ZNF154: variants seen among roughly 807,000 people sequenced by gnomAD.
ZNF154 encodes the protein zinc finger protein 154 (pHZ-92).
A neutral mutation model predicts 7.5 loss-of-function variants in ZNF154; 6 were observed. The ratio of observed to expected loss-of-function variants is 0.80; its 90% CI spans 0.44 to 1.57. The LOEUF is 1.57. Among genes scored for constraint, ZNF154 ranks in the 40% most tolerant of loss-of-function variants. The pLI is 0.01. For missense variants in ZNF154, 485 were observed against 531.4 expected (o/e 0.91, Z 0.86); for synonymous variants, 187 against 185.9 (o/e 1.01, Z -0.05).
chr19:57,705,122 A>C, intron 1 of ZNF154, 143 bp from the exon 2 acceptor site: 3 of 1,195,292 alleles, frequency 2.5e-6, no homozygotes, highest in Non-Finnish European at 3.5e-6. Flanking sequence ...ATAAATAGGC[A>C]TCTAAGCTGG....
In ZNF154 at chr19:57,699,622, A is replaced by G. The variant is rs1985040420; in HGVS notation, c.*2013T>C. The stretch of plus-strand genomic sequence containing the variant: ...CTTACAACTACATGAGAAGTTGCCT[A>G]AGAACTCAATGTCAACCATTCCACG... On this transcript the variant is annotated 3_prime_UTR_variant, in exon 3 of 3. Transcript: ENST00000684351. The G allele has an allele frequency of 1.1e-5, 2 of 178,556 alleles. No individual in the cohort carries two copies. The highest frequency in any genetic ancestry group is 2.3e-4 in the South Asian group (2 of 8,810). The allele number at this position is 178,556 out of a possible 1,614,324, so 11.1% of individuals were successfully genotyped here.
At chr19:57,707,507 C>T (rs1027515814) in intron 1 of ZNF154, among the ~76,000 whole-genome samples, 6 of 152,198 alleles carry the variant, frequency 3.9e-5, no homozygotes, top group Admixed American at 3.9e-4. Context: ...TTACCCTGGA[C>T]TGGCTGTAGC....
rs777793401 is a variant in ZNF154 at position 57,702,786 on chromosome 19, C to T, written c.163G>A (p.Val55Ile). 4 of 1,596,144 alleles carry T rather than the reference C, an allele frequency of 2.5e-6. No homozygotes were observed. The African/African-American group carries it at 5.4e-5, about 21-fold the overall frequency. ...ENLALLTSLD[V>I]HHQKQHLGEK... is the part of the protein sequence containing the mutation. Reference sequence around the variant, plus strand: ...CCAAGGTGCTGCTTCTGATGATGAACATCTGCAATGAAATACAATTATTTC... The same window carrying T: ...CCAAGGTGCTGCTTCTGATGATGAATATCTGCAATGAAATACAATTATTTC... The change falls in exon 3 of 3, where the codon GTT (valine) becomes ATT (isoleucine). Residue 55 changes from valine (V) to isoleucine (I), a missense_variant and splice_region_variant. Val to Ile is a conservative substitution (Grantham distance 29, BLOSUM62 3). Transcript: ENST00000684351.
rs758317369 is a variant in ZNF154 at position 57,702,586 on chromosome 19, G to A, written c.363C>T (p.Asp121=). ...TTCCTCTGTGACTGATGGCCCCACCGTCGCTTTTGCTATTTGATTGCTCCC... is the reference window on the plus strand; with the variant it reads ...TTCCTCTGTGACTGATGGCCCCACCATCGCTTTTGCTATTTGATTGCTCCC... ...HTGEQSNSKS[D]GGAISHRGKT... Residue 121 remains aspartate, a synonymous_variant, in exon 3 of 3, where the codon GAC becomes GAT. Coordinates refer to ENST00000684351, the MANE Select transcript of ZNF154 (RefSeq NM_001085384.3). 1.7e-5 allele frequency: 28 copies of A among 1,613,714 alleles called. No individual in the cohort carries two copies. The highest frequency in any genetic ancestry group is 8.8e-5 in the South Asian group (8 of 91,074).
rs1435219943 is a variant in ZNF154 at position 57,698,414 on chromosome 19, G to A, written c.*3221C>T. ...TTTCTACATTCTTGAGGTTATTCGT[G>A]GCCACTGTATCAGTATGGTAGAAAC... On this transcript the variant is annotated 3_prime_UTR_variant, in exon 3 of 3. Transcript: ENST00000684351. 1 of 152,078 alleles carries A rather than the reference G, an allele frequency of 6.6e-6. No homozygotes were observed. The highest frequency in any genetic ancestry group is 1.5e-5 in the Non-Finnish European group (1 of 68,024). The allele number at this position is 152,078 out of a possible 1,614,324, so 9.4% of individuals were successfully genotyped here.
At position 57,701,975 on chromosome 19, in the gene ZNF154, C is replaced by G. The variant is rs1985169304; in HGVS notation, c.974G>C (p.Gly325Ala). The change falls in exon 3 of 3, where the codon GGA (glycine) becomes GCA (alanine). Residue 325 changes from glycine (G) to alanine (A), a missense_variant. Physicochemically the swap from Gly to Ala is moderately conservative, Grantham distance 60. Transcript: ENST00000684351. ...SLIEHHRVHT[G>A]ERPYKCSECG... ...TTCGCTGCACTTATAAGGCCTTTCT[C>G]CAGTGTGAACCCTATGGTGTTCAAT... 12 of 1,612,924 alleles carry G rather than the reference C, an allele frequency of 7.4e-6. No homozygotes were observed. The highest frequency in any genetic ancestry group is 1.0e-5 in the Non-Finnish European group (12 of 1,179,860).
chr19:57,702,029 C>G lies in ZNF154; in HGVS notation c.920G>C (p.Gly307Ala). Residue 307 changes from glycine (G) to alanine (A), a missense_variant, in exon 3 of 3, where the codon GGG becomes GCG. By Grantham distance (60) the Gly-to-Ala change is moderately conservative (BLOSUM62 0). Coordinates refer to ENST00000684351, the MANE Select transcript of ZNF154 (RefSeq NM_001085384.3). ...GSRPYECSEC[G>A]KSFSQNSSLI... ...GCTAGAGTTTTGGCTAAATGACTTC[C>G]CACATTCGCTGCACTCATAAGGCCT... The G allele has an allele frequency of 6.2e-7, 1 of 1,613,978 alleles. No homozygotes were observed. Among genetic ancestry groups the G allele is most frequent in the South Asian group, 1.1e-5 (1 of 91,080 alleles).
chr19:57,702,866 G>C, intron 2 of ZNF154, 78 bp from the exon 3 acceptor site: 1 of 1,392,800 alleles, frequency 7.2e-7, no homozygotes, highest in South Asian at 1.4e-5. Context: ...CTAGGGCCCA[G>C]CCAAGAGCAA....
chr19:57,701,467 G>C lies in ZNF154; in HGVS notation c.*168C>G. ...CTCATAAGGGATCTCCTTCAGAGCT[G>C]TTATATCAACTGGACATCCCTACAT... On this transcript the variant is annotated 3_prime_UTR_variant, in exon 3 of 3. Coordinates refer to ENST00000684351, the MANE Select transcript of ZNF154 (RefSeq NM_001085384.3). 1 of 712,114 alleles carries C rather than the reference G, an allele frequency of 1.4e-6. No individual in the cohort carries two copies. The highest frequency in any genetic ancestry group is 2.0e-5 in the South Asian group (1 of 50,644). 44.1% of individuals were successfully genotyped at this position (712,114 alleles called of 1,614,324 possible).
At position 57,704,890 on chromosome 19, in the gene ZNF154, A is replaced by G. The variant is rs773976914; in HGVS notation, c.123T>C (p.Asp41=). 6 of 1,613,592 alleles carry G rather than the reference A, an allele frequency of 3.7e-6. No homozygotes were observed. The Admixed American group carries it at 8.4e-5, about 22-fold the overall frequency. Residue 41 remains aspartate, a synonymous_variant, in exon 2 of 3, where the codon GAT becomes GAC. Coordinates refer to ENST00000684351, the MANE Select transcript of ZNF154 (RefSeq NM_001085384.3). ...LDEAQRCLYR[D]VMLENLALLT... The stretch of plus-strand genomic sequence containing the variant: ...AAAGAGCCAAGTTCTCCAGCATCAC[A>G]TCACGGTACAGGCATCTTTGAGCCT...
Position 57,702,562 on chromosome 19 carries a change from T to G in ZNF154, c.387A>C (p.Gly129=). The change falls in exon 3 of 3, where the codon GGA becomes GGC. Residue 129 remains glycine (G), a synonymous_variant. Coordinates refer to ENST00000684351, the MANE Select transcript of ZNF154 (RefSeq NM_001085384.3). The part of the protein sequence containing the change: ...KSDGGAISHR[G]KTHYNCGEHT... ...GTTCTCCACAGTTGTAATGAGTTTT[T>G]CCTCTGTGACTGATGGCCCCACCGT... 1 of 1,614,060 alleles carries G rather than the reference T, an allele frequency of 6.2e-7. No homozygotes were observed. The highest frequency in any genetic ancestry group is 8.5e-7 in the Non-Finnish European group (1 of 1,179,992).
Position 57,701,721 on chromosome 19 carries a change from C to G in ZNF154, c.1228G>C (p.Glu410Gln), listed in dbSNP as rs778222610. Residue 410 changes from glutamate (E) to glutamine (Q), a missense_variant, in exon 3 of 3, where the codon GAG becomes CAG. Glu to Gln is a conservative substitution (Grantham distance 29, BLOSUM62 2). Transcript: ENST00000684351. ...CATTCCGTGCACTCATAAGGCTTCTCCCCAGTGTGAACCCTCCTGTGCTTA... is the reference window on the plus strand; with the variant it reads ...CATTCCGTGCACTCATAAGGCTTCTGCCCAGTGTGAACCCTCCTGTGCTTA... ...LIKHRRVHTG[E>Q]KPYECTECGK... The G allele has an allele frequency of 1.2e-6, 2 of 1,614,064 alleles. No homozygotes were observed.
Position 57,699,468 on chromosome 19 carries a change from CT to C in ZNF154, c.*2166del, listed in dbSNP as rs1426372797. The C allele has an allele frequency of 1.1e-5, 4 of 365,620 alleles. No individual in the cohort carries two copies. Among genetic ancestry groups the C allele is most frequent in the African/African-American group, 8.3e-5 (4 of 48,200 alleles). The allele number at this position is 365,620 out of a possible 1,614,324, so 22.6% of individuals were successfully genotyped here. A position where few individuals can be genotyped will look rare whatever the true frequency, so the allele number is the denominator to read the frequency against. On this transcript the variant is annotated 3_prime_UTR_variant, in exon 3 of 3. Transcript: ENST00000684351. ...ATAAACACATTTGGCCCAGGAACTG[CT>C]AACGAATGTACAGTGCAGTGGTGGT...
chr19:57,701,967 G>T lies in ZNF154; in HGVS notation c.982C>A (p.Pro328Thr), dbSNP rs1985168222. 1.2e-6 allele frequency: 2 copies of T among 1,612,948 alleles called. No individual in the cohort carries two copies. Among genetic ancestry groups the T allele is most frequent in the Non-Finnish European group, 1.7e-6 (2 of 1,179,848 alleles). Residue 328 changes from proline to threonine, a missense_variant, in exon 3 of 3, where the codon CCT (proline) becomes ACT (threonine). Physicochemically the swap from Pro to Thr is conservative, Grantham distance 38. Coordinates refer to ENST00000684351, the MANE Select transcript of ZNF154 (RefSeq NM_001085384.3). Reference protein sequence around the residue: ...EHHRVHTGERPYKCSECGKSF... With the variant: ...EHHRVHTGERTYKCSECGKSF... ...TTCCCACATTCGCTGCACTTATAAG[G>T]CCTTTCTCCAGTGTGAACCCTATGG...
Position 57,708,951 on chromosome 19 carries a change from C to A in ZNF154, c.21G>T (p.Arg7Ser), listed in dbSNP as rs1985514842. MAAATLRTPTQGTVTFE... is the reference protein window; with the variant it reads MAAATLSTPTQGTVTFE... Reference sequence around the variant, plus strand: ...ACGCCGCACTCACCTGAGTTGGCGTCCTCAGAGTGGCCGCTGCCATCAGAC... The same window carrying A: ...ACGCCGCACTCACCTGAGTTGGCGTACTCAGAGTGGCCGCTGCCATCAGAC... Residue 7 changes from arginine to serine, a missense_variant, in exon 1 of 3, where the codon AGG becomes AGT. Transcript: ENST00000684351. The A allele has an allele frequency of 1.3e-6, 2 of 1,561,132 alleles. No homozygotes were observed. Among genetic ancestry groups the A allele is most frequent in the Admixed American group, 1.9e-5 (1 of 52,420 alleles).
Position 57,701,389 on chromosome 19 carries a change from G to A in ZNF154, c.*246C>T. The A allele has an allele frequency of 2.0e-6, 1 of 509,104 alleles. No homozygotes were observed. The highest frequency in any genetic ancestry group is 3.5e-6 in the Non-Finnish European group (1 of 284,244). The allele number at this position is 509,104 out of a possible 1,614,324, so 31.5% of individuals were successfully genotyped here. On this transcript the variant is annotated 3_prime_UTR_variant, in exon 3 of 3. Transcript: ENST00000684351. ...GGTGCAATGCAGTTCACACATACCTGGAATTTATGCAGATGTTCAGATATA... is the reference window on the plus strand; with the variant it reads ...GGTGCAATGCAGTTCACACATACCTAGAATTTATGCAGATGTTCAGATATA...
chr19:57,704,265 C>A (rs1455432513), intron 2 of ZNF154, among the ~76,000 whole-genome samples: 6 of 152,134 alleles, frequency 3.9e-5, no homozygotes, highest in Non-Finnish European at 8.8e-5. Context: ...CCAAACAGAA[C>A]AGGTTGCTGC....
Position 57,701,935 on chromosome 19 carries a change from A to G in ZNF154, c.1014T>C (p.Phe338=), listed in dbSNP as rs1435966918. Reference sequence around the variant, plus strand: ...GTTGAAGGAGTGCAGACCTTTGGCTAAAGGATTTCCCACATTCGCTGCACT... The same window carrying G: ...GTTGAAGGAGTGCAGACCTTTGGCTGAAGGATTTCCCACATTCGCTGCACT... ...PYKCSECGKS[F]SQRSALLQHR... The change falls in exon 3 of 3, where the codon TTT becomes TTC. Residue 338 remains phenylalanine (F), a synonymous_variant. Transcript: ENST00000684351. 6.2e-7 allele frequency: 1 copy of G among 1,613,524 alleles called. No individual in the cohort carries two copies. Among genetic ancestry groups the G allele is most frequent in the Admixed American group, 1.7e-5 (1 of 59,934 alleles).
rs1037422627 is a variant in ZNF154, at chr19:57,697,524, A to G, written c.*4111T>C. 2.0e-5 allele frequency: 3 copies of G among 152,256 alleles called. No homozygotes were observed. Among genetic ancestry groups the G allele is most frequent in the African/African-American group, 7.2e-5 (3 of 41,460 alleles). 9.4% of individuals were successfully genotyped at this position (152,256 alleles called of 1,614,324 possible). A position where few individuals can be genotyped will look rare whatever the true frequency, so the allele number is the denominator to read the frequency against. On this transcript the variant is annotated 3_prime_UTR_variant, in exon 3 of 3. Transcript: ENST00000684351. ...CTGAATAAAAATGATCTTCCTTAAG[A>G]AACACATTGTTTTAGACAACTGAGA...
Sources: allele counts gnomAD v4.1 joint callset (sites outside exome capture counted in the v4.1 genomes callset), GRCh38; gene constraint gnomAD v4.1.1; transcripts MANE v1.5; gene names NCBI Gene and HGNC (gene_info 2026-07-23, HGNC 2026-07-21).